Variants in PTPRD observed in about 807,000 individuals in gnomAD.
PTPRD encodes the protein receptor-type tyrosine-protein phosphatase delta.
In PTPRD, 34 loss-of-function variants were observed where a neutral mutation model predicts 214.5. The ratio of observed to expected loss-of-function variants is 0.16; its 90% CI spans 0.12 to 0.21. PTPRD has a LOEUF of 0.21. Among genes scored for constraint, PTPRD ranks in the 10% least tolerant of loss-of-function variants. PTPRD has a pLI of 1.00. For missense variants in PTPRD, 2,545 were observed against 2,398.7 expected (o/e 1.06, Z -1.27); for synonymous variants, 1,128 against 845.7 (o/e 1.33, Z -5.79).
chr9:8,507,888 T>G (rs2097574267), intron 21 of PTPRD, among the ~76,000 whole-genome samples: 1 of 152,134 alleles, frequency 6.6e-6, no homozygotes, highest in African/African-American at 2.4e-5. Context: ...CCAATTAAAT[T>G]TATGAAATCC....
chr9:8,674,958 G>A (rs1265071706), intron 12 of PTPRD, among the ~76,000 whole-genome samples: 3 of 152,062 alleles, frequency 2.0e-5, no homozygotes, highest in Non-Finnish European at 4.4e-5. Flanking sequence ...AATCTCCAAT[G>A]AATTTTAAAA....
intron 8 of PTPRD, among the ~76,000 whole-genome samples, chr9:9,448,529 C>G (rs2091193367): frequency 6.6e-6 from 1 of 152,026 alleles, no homozygotes; most frequent in African/African-American, 2.4e-5. Flanking sequence ...TGAGTCCTCC[C>G]CAGCCATGTG....
intron 27 of PTPRD, among the ~76,000 whole-genome samples, chr9:8,489,427 T>C (rs1171407216): frequency 1.3e-5 from 2 of 152,246 alleles, no homozygotes; most frequent in East Asian, 3.9e-4. Flanking sequence ...CCCACAACAG[T>C]CATTCCTTCC....
At chr9:10,240,045 G>A (rs1036447873) in intron 3 of PTPRD, among the ~76,000 whole-genome samples, 1 of 151,942 alleles carries the variant, frequency 6.6e-6, no homozygotes, top group African/African-American at 2.4e-5. Context: ...CGCACAGAGG[G>A]ATCAAGAAAC....
intron 10 of PTPRD, among the ~76,000 whole-genome samples, chr9:9,037,511 C>T (rs1257041814): frequency 2.6e-5 from 4 of 152,184 alleles, no homozygotes; most frequent in Non-Finnish European, 5.9e-5. Flanking sequence ...GGACAGAGCA[C>T]GATTACATGG....
At chr9:8,381,111 G>A (rs1047549784) in intron 37 of PTPRD, among the ~76,000 whole-genome samples, 1 of 152,166 alleles carries the variant, frequency 6.6e-6, no homozygotes, top group Non-Finnish European at 1.5e-5. Flanking sequence ...ATTGCTAAAA[G>A]TGACTCTAAA....
At chr9:8,322,182 G>C (rs1353224459) in intron 44 of PTPRD, among the ~76,000 whole-genome samples, 2 of 151,894 alleles carry the variant, frequency 1.3e-5, no homozygotes, top group Non-Finnish European at 2.9e-5. Flanking sequence ...CCTATTCCTT[G>C]AGACACAACA....
chr9:10,443,700 C>T (rs1190424890), intron 2 of PTPRD, among the ~76,000 whole-genome samples: 1 of 151,378 alleles, frequency 6.6e-6, no homozygotes, highest in African/African-American at 2.4e-5. Context: ...GGTCTGCTTG[C>T]CTTTCCCTTA....
intron 2 of PTPRD, among the ~76,000 whole-genome samples, chr9:10,430,386 ATTACT>A (rs945302360): frequency 5.3e-5 from 8 of 152,048 alleles, no homozygotes; most frequent in Admixed American, 3.3e-4. Context: ...TAATGGTTAA[ATTACT>A]TTACGCGTGT....
At chr9:9,807,702 G>C in intron 5 of PTPRD, among the ~76,000 whole-genome samples, 1 of 152,086 alleles carries the variant, frequency 6.6e-6, no homozygotes, top group South Asian at 2.1e-4. Context: ...ATTTCTACTA[G>C]TGGTATTTTC....
At chr9:8,544,853 T>C (rs2079541486) in intron 14 of PTPRD, among the ~76,000 whole-genome samples, 1 of 151,626 alleles carries the variant, frequency 6.6e-6, no homozygotes, top group Admixed American at 6.6e-5. Flanking sequence ...GACTTAATCC[T>C]TTGACAATAA....
rs115499601 is a variant in PTPRD at position 9,813,485 on chromosome 9, A to G, written c.-367-46634T>C. Among the ~76,000 whole-genome samples the G allele has an allele frequency of 8.2e-3, 1,247 of 152,196 alleles. 18 individuals carry two copies. Among genetic ancestry groups the G allele is most frequent in the African/African-American group, 0.028 (1,179 of 41,568 alleles). On this transcript the variant is annotated intron_variant, in intron 5 of 45. Transcript: ENST00000381196. The stretch of plus-strand genomic sequence containing the variant: ...GTAATACAAAAGATTATAGCAGGTT[A>G]TTAACAATACACCAATAAATTGGAT...
Position 10,555,384 on chromosome 9 carries a change from T to C in PTPRD, c.-600+57014A>G, listed in dbSNP as rs79720448. Among the ~76,000 whole-genome samples, 180 of 152,316 alleles carry C rather than the reference T, an allele frequency of 1.2e-3. 2 individuals carry two copies. The East Asian group carries it at 0.027, about 23-fold the overall frequency. On this transcript the variant is annotated intron_variant, in intron 2 of 45. Transcript: ENST00000381196. ...AATGGTTATCTTACTTCAAATTGTA[T>C]CAATAGGAAGGAAGATATTACCTAT...
intron 3 of PTPRD, among the ~76,000 whole-genome samples, chr9:10,134,093 C>T (rs2098924071): frequency 6.6e-6 from 1 of 152,106 alleles, no homozygotes; most frequent in Non-Finnish European, 1.5e-5. Context: ...CCCTGCTGCA[C>T]ACTCACAGCA....
chr9:9,984,373 C>T (rs193186499), intron 4 of PTPRD, among the ~76,000 whole-genome samples: 63 of 152,294 alleles, frequency 4.1e-4, no homozygotes, highest in African/African-American at 1.5e-3. Context: ...GAAAGAGACT[C>T]CCTTCTCAAG....
At chr9:9,058,287 C>T (rs2099700019) in intron 10 of PTPRD, among the ~76,000 whole-genome samples, 1 of 151,942 alleles carries the variant, frequency 6.6e-6, no homozygotes, top group South Asian at 2.1e-4. Flanking sequence ...TGCAATGTCA[C>T]AACCCATGAA....
At chr9:8,758,906 C>A (rs10977283) in intron 11 of PTPRD, among the ~76,000 whole-genome samples, 7,288 of 152,060 alleles carry the variant, frequency 0.048, 438 homozygotes, top group African/African-American at 0.14. Flanking sequence ...AGGATGGTCT[C>A]GATCTCCTGA....
intron 2 of PTPRD, among the ~76,000 whole-genome samples, chr9:10,472,297 C>G (rs918666822): frequency 6.6e-6 from 1 of 152,080 alleles, no homozygotes; most frequent in African/African-American, 2.4e-5. Flanking sequence ...CTCATTTATT[C>G]TCTAAAATCC....
At chr9:10,301,702 G>A (rs192996200) in intron 3 of PTPRD, among the ~76,000 whole-genome samples, 3 of 152,152 alleles carry the variant, frequency 2.0e-5, no homozygotes, top group East Asian at 3.9e-4. Context: ...GAAATAAAGC[G>A]AGAAGACAAG....
Sources: allele counts gnomAD v4.1 joint callset (sites outside exome capture counted in the v4.1 genomes callset), GRCh38; gene constraint gnomAD v4.1.1; transcripts MANE v1.5; gene names NCBI Gene and HGNC (gene_info 2026-07-23, HGNC 2026-07-21).